DCLK1: variants seen among roughly 807,000 people sequenced by gnomAD.
DCLK1 encodes serine/threonine-protein kinase DCLK1.
DCLK1 carries 16 observed loss-of-function variants against 86.2 expected under a neutral mutation model. The observed-to-expected ratio is 0.19, with a 90% CI of 0.13 to 0.28. The LOEUF (loss-of-function observed/expected upper bound fraction) is 0.28, where lower values mean the gene tolerates loss of function less well. Among genes scored for constraint, DCLK1 ranks in the 10% least tolerant of loss-of-function variants. DCLK1 has a pLI of 1.00. For missense variants in DCLK1, 590 were observed against 940.2 expected (o/e 0.63, Z 4.87); for synonymous variants, 369 against 370.5 (o/e 1.00, Z 0.05).
intron 1 of DCLK1, among the ~76,000 whole-genome samples, chr13:36,129,140 G>A (rs1886283802): frequency 6.6e-6 from 1 of 152,152 alleles, no homozygotes; most frequent in African/African-American, 2.4e-5. Context: ...AAGAAAACAA[G>A]CAGGGCCATA....
chr13:35,901,370 G>A (rs1471452092), intron 4 of DCLK1, among the ~76,000 whole-genome samples: 1 of 151,436 alleles, frequency 6.6e-6, no homozygotes, highest in Non-Finnish European at 1.5e-5. Context: ...GGTGCCTGTA[G>A]TCCCAGTTAC....
intron 3 of DCLK1, among the ~76,000 whole-genome samples, chr13:35,980,772 T>C (rs937788600): frequency 1.3e-5 from 2 of 152,284 alleles, no homozygotes; most frequent in African/African-American, 4.8e-5. Flanking sequence ...TAATGCTCAC[T>C]CATCCTGCTG....
At chr13:35,875,620 C>T (rs1872544913) in intron 4 of DCLK1, among the ~76,000 whole-genome samples, 2 of 152,146 alleles carry the variant, frequency 1.3e-5, no homozygotes, top group African/African-American at 2.4e-5. Context: ...AAACTTGTGG[C>T]CTCTTATCAT....
At chr13:35,897,843 C>T (rs1874096011) in intron 4 of DCLK1, among the ~76,000 whole-genome samples, 1 of 152,188 alleles carries the variant, frequency 6.6e-6, no homozygotes, top group Admixed American at 6.5e-5. Context: ...ACTGATAAAA[C>T]TGTACTTGAT....
At chr13:36,121,076 A>G (rs1792194555) in intron 2 of DCLK1, among the ~76,000 whole-genome samples, 1 of 152,202 alleles carries the variant, frequency 6.6e-6, no homozygotes, top group Non-Finnish European at 1.5e-5. Context: ...TCATCACACA[A>G]CTGTCTGTAA....
At chr13:36,087,227 T>A (rs1216269886) in intron 3 of DCLK1, among the ~76,000 whole-genome samples, 58 of 152,188 alleles carry the variant, frequency 3.8e-4, no homozygotes. Flanking sequence ...CCAGTGATGA[T>A]GAGCTTTTTT....
At chr13:36,036,328 T>C (rs1882490693) in intron 3 of DCLK1, among the ~76,000 whole-genome samples, 2 of 152,210 alleles carry the variant, frequency 1.3e-5, no homozygotes, top group Admixed American at 1.3e-4. Context: ...GCTGCTGCTG[T>C]GCACTCTACC....
chr13:36,130,175 T>A (rs919821597), intron 1 of DCLK1, among the ~76,000 whole-genome samples: 1 of 152,036 alleles, frequency 6.6e-6, no homozygotes, highest in African/African-American at 2.4e-5. Context: ...TCTTAAAAAA[T>A]CCCTTCTGAC....
At chr13:35,856,694 G>A (rs1244861894) in intron 5 of DCLK1, among the ~76,000 whole-genome samples, 3 of 152,172 alleles carry the variant, frequency 2.0e-5, no homozygotes, top group East Asian at 3.8e-4. Flanking sequence ...CATTGTATGT[G>A]TATTTTTAAG....
At chr13:36,129,399 C>T (rs1393080348) in intron 1 of DCLK1, among the ~76,000 whole-genome samples, 2 of 152,232 alleles carry the variant, frequency 1.3e-5, no homozygotes, top group Admixed American at 1.3e-4. Flanking sequence ...CAGGGCAGGG[C>T]TACACCTTTT....
At chr13:35,862,275 T>C (rs916326896) in intron 5 of DCLK1, among the ~76,000 whole-genome samples, 3 of 152,160 alleles carry the variant, frequency 2.0e-5, no homozygotes, top group African/African-American at 7.2e-5. Flanking sequence ...ACTCCACATG[T>C]CTAAAACGAA....
At chr13:36,107,112 GC>G (rs1885423240) in intron 3 of DCLK1, among the ~76,000 whole-genome samples, 1 of 125,238 alleles carries the variant, frequency 8.0e-6, no homozygotes, top group East Asian at 2.7e-4. Flanking sequence ...TTTATAACAG[GC>G]AATGAGGATT....
chr13:35,891,347 G>A (rs1299407792), intron 4 of DCLK1, among the ~76,000 whole-genome samples: 2 of 152,016 alleles, frequency 1.3e-5, no homozygotes, highest in Non-Finnish European at 1.5e-5. Flanking sequence ...CTATTTCCTT[G>A]TAAGAGTTAT....
chr13:36,025,771 C>T (rs964306884), intron 3 of DCLK1, among the ~76,000 whole-genome samples: 8 of 152,052 alleles, frequency 5.3e-5, no homozygotes, highest in Non-Finnish European at 1.2e-4. Context: ...CAGCTTTTAC[C>T]ACCATGATTA....
At chr13:35,853,721 C>T (rs539124103) in intron 6 of DCLK1, among the ~76,000 whole-genome samples, 15 of 152,198 alleles carry the variant, frequency 9.9e-5, no homozygotes, top group Non-Finnish European at 1.5e-4. Context: ...CTCCTAGGAG[C>T]GTACATTCCC....
intron 6 of DCLK1, among the ~76,000 whole-genome samples, chr13:35,842,496 C>T (rs907507105): frequency 8.1e-5 from 12 of 148,022 alleles, no homozygotes; most frequent in African/African-American, 3.0e-4. Context: ...CATAGTGAAA[C>T]CCTGTCTCTC....
intron 3 of DCLK1, among the ~76,000 whole-genome samples, chr13:36,059,859 C>T (rs1214323241): frequency 2.6e-4 from 38 of 145,814 alleles, no homozygotes; most frequent in Non-Finnish European, 4.5e-5. Context: ...GATGACTTCA[C>T]TTAAATCTCT....
intron 3 of DCLK1, among the ~76,000 whole-genome samples, chr13:36,104,834 C>G (rs1885334991): frequency 6.6e-6 from 1 of 151,982 alleles, no homozygotes; most frequent in Non-Finnish European, 1.5e-5. Context: ...GTTAGTAGTT[C>G]AGGTACAGCA....
At chr13:36,016,553 C>CT (rs1881544661) in intron 3 of DCLK1, among the ~76,000 whole-genome samples, 1 of 152,102 alleles carries the variant, frequency 6.6e-6, no homozygotes, top group African/African-American at 2.4e-5. Flanking sequence ...CAAACAGTCA[C>CT]TTTCTTTTAT....
Sources: allele counts gnomAD v4.1 joint callset (sites outside exome capture counted in the v4.1 genomes callset), GRCh38; gene constraint gnomAD v4.1.1; transcripts MANE v1.5; gene names NCBI Gene and HGNC (gene_info 2026-07-23, HGNC 2026-07-21).